XNDC1N: variants seen among roughly 807,000 people sequenced by gnomAD.
XNDC1N encodes protein XNDC1N.
At chr11:71,926,598 G>GT in the XNDC1N span, among the ~76,000 whole-genome samples, 22 of 152,186 alleles carry the variant, frequency 1.4e-4, no homozygotes, top group African/African-American at 4.8e-4. Context: ...ACCTCACAAC[G>GT]TATCTAAAAA....
At chr11:71,890,950 C>G in the XNDC1N span, among the ~76,000 whole-genome samples, 1 of 151,878 alleles carries the variant, frequency 6.6e-6, no homozygotes, top group Non-Finnish European at 1.5e-5. Context: ...CCTCTCCCCC[C>G]TTGCATATTG....
At chr11:71,913,613 C>T in the XNDC1N span, among the ~76,000 whole-genome samples, 5 of 145,458 alleles carry the variant, frequency 3.4e-5, no homozygotes, top group Admixed American at 7.1e-5. Flanking sequence ...CAGCCAAGAT[C>T]GTGCCACTGC....
At chr11:71,880,334 C>A in the XNDC1N span, among the ~76,000 whole-genome samples, 2 of 151,926 alleles carry the variant, frequency 1.3e-5, no homozygotes, top group Non-Finnish European at 1.5e-5. Flanking sequence ...TCTAATGATC[C>A]ATTGTGTTTC....
At chr11:71,869,056 TTTA>T in the XNDC1N span, among the ~76,000 whole-genome samples, 1 of 152,142 alleles carries the variant, frequency 6.6e-6, no homozygotes, top group Non-Finnish European at 1.5e-5. Context: ...GGTCTATTTT[TTTA>T]TTATTATTAT....
the XNDC1N span, among the ~76,000 whole-genome samples, chr11:71,892,782 A>C: frequency 6.6e-6 from 1 of 152,110 alleles, no homozygotes; most frequent in South Asian, 2.1e-4. Flanking sequence ...CGGCCGCCCA[A>C]AGTGCTGGGA....
At chr11:71,920,035 G>A in the XNDC1N span, among the ~76,000 whole-genome samples, 1 of 124,638 alleles carries the variant, frequency 8.0e-6, no homozygotes, top group Non-Finnish European at 1.6e-5. Context: ...TCGGCTCACC[G>A]AAAGCTCCGC....
the XNDC1N span, among the ~76,000 whole-genome samples, chr11:71,881,373 G>C: frequency 0.13 from 19,459 of 152,062 alleles, 2,562 homozygotes; most frequent in African/African-American, 0.32. Context: ...TCATAATAAA[G>C]TACCACATAA....
chr11:71,905,579 T>C, the XNDC1N span, among the ~76,000 whole-genome samples: 5 of 152,008 alleles, frequency 3.3e-5, no homozygotes, highest in African/African-American at 1.2e-4. Context: ...TCACAAGGTG[T>C]ACACTCACTC....
At chr11:71,928,455 C>T in the XNDC1N span, 1 of 702,524 alleles carries the variant, frequency 1.4e-6, no homozygotes. Flanking sequence ...TGACCTTCGC[C>T]TTCTGACCCC....
chr11:71,902,711 C>G, the XNDC1N span, among the ~76,000 whole-genome samples: 1 of 152,230 alleles, frequency 6.6e-6, no homozygotes, highest in Non-Finnish European at 1.5e-5. Context: ...ATGGCATGGT[C>G]TCAGCTGTTA....
At chr11:71,885,590 T>G in the XNDC1N span, among the ~76,000 whole-genome samples, 13 of 152,268 alleles carry the variant, frequency 8.5e-5, no homozygotes, top group African/African-American at 3.1e-4. Flanking sequence ...ACTGCGATAT[T>G]GAACGTAATA....
the XNDC1N span, chr11:71,918,742 C>T: frequency 1.6e-6 from 1 of 613,060 alleles, no homozygotes; most frequent in Admixed American, 2.6e-5. Flanking sequence ...GGGCAAGGGC[C>T]ACATTTCCCT....
the XNDC1N span, among the ~76,000 whole-genome samples, chr11:71,908,943 C>T: frequency 3.9e-5 from 6 of 152,116 alleles, no homozygotes; most frequent in African/African-American, 1.2e-4. Flanking sequence ...AGAAGCTCTC[C>T]TGGAAGGATT....
chr11:71,922,434 G>T, the XNDC1N span, among the ~76,000 whole-genome samples: 77 of 152,270 alleles, frequency 5.1e-4, 2 homozygotes, highest in Admixed American at 2.7e-3. Flanking sequence ...TTCCTGAGTA[G>T]CTGGGACCAC....
the XNDC1N span, among the ~76,000 whole-genome samples, chr11:71,922,329 G>C: frequency 6.6e-6 from 1 of 152,118 alleles, no homozygotes; most frequent in East Asian, 1.9e-4. Flanking sequence ...TTGATACAAG[G>C]TCTTGCTCTG....
the XNDC1N span, among the ~76,000 whole-genome samples, chr11:71,873,173 T>A: frequency 6.6e-6 from 1 of 152,190 alleles, no homozygotes; most frequent in Non-Finnish European, 1.5e-5. Context: ...TCTATTTATT[T>A]TGTTATTTAT....
the XNDC1N span, among the ~76,000 whole-genome samples, chr11:71,887,222 T>C: frequency 6.6e-5 from 10 of 152,332 alleles, no homozygotes; most frequent in South Asian, 2.1e-3. Context: ...AAAAAGACTA[T>C]TGACGTCATC....
At chr11:71,905,442 T>C in the XNDC1N span, among the ~76,000 whole-genome samples, 5 of 151,616 alleles carry the variant, frequency 3.3e-5, no homozygotes, top group African/African-American at 9.7e-5. Context: ...ATTACAATAA[T>C]ATAACAGGGT....
At chr11:71,905,925 C>A in the XNDC1N span, among the ~76,000 whole-genome samples, 2 of 148,936 alleles carry the variant, frequency 1.3e-5, no homozygotes, top group Admixed American at 1.4e-4. Context: ...GCAAATAATA[C>A]CGAAGGCTGT....
Sources: allele counts gnomAD v4.1 joint callset (sites outside exome capture counted in the v4.1 genomes callset), GRCh38; gene constraint gnomAD v4.1.1; transcripts MANE v1.5; gene names NCBI Gene and HGNC (gene_info 2026-07-23, HGNC 2026-07-21).